Variants in MPPED1 observed in about 807,000 individuals in gnomAD.
MPPED1 encodes the protein metallophosphoesterase domain-containing protein 1.
MPPED1 carries 16 observed loss-of-function variants against 36.2 expected under a neutral mutation model. That is an observed-to-expected ratio of 0.44 (90% confidence interval 0.30 to 0.67). MPPED1 has a LOEUF of 0.67. Among genes scored for constraint, MPPED1 ranks in the 30% least tolerant of loss-of-function variants. The pLI is 0.10. For missense variants in MPPED1, 307 were observed against 453.4 expected, an observed-to-expected ratio of 0.68 and a Z score of 2.93; for synonymous variants, 199 against 191.3, an observed-to-expected ratio of 1.04 and a Z score of -0.33.
At chr22:43,451,453 A>T (rs2146854480) in intron 3 of MPPED1, among the ~76,000 whole-genome samples, 1 of 152,292 alleles carries the variant, frequency 6.6e-6, no homozygotes, top group Non-Finnish European at 1.5e-5. Flanking sequence ...TGTTTCTTTG[A>T]TCTCTCTTAA....
At position 43,474,768 on chromosome 22, in the gene MPPED1, G is replaced by A. The variant is rs530556930; in HGVS notation, c.439G>A (p.Ala147Thr). The A allele has an allele frequency of 1.2e-6, 2 of 1,614,048 alleles. No individual in the cohort carries two copies. The highest frequency in any genetic ancestry group is 1.7e-6 in the Non-Finnish European group (2 of 1,179,896). Reference sequence around the variant, plus strand: ...GCCCTACGAGTACAAGATCGTGATCGCAGGCAACCACGAGCTGACCTTTGA... The same window carrying A: ...GCCCTACGAGTACAAGATCGTGATCACAGGCAACCACGAGCTGACCTTTGA... ...SLPYEYKIVI[A>T]GNHELTFDQE... The change falls in exon 4 of 7, where the codon GCA (alanine) becomes ACA (threonine). Residue 147 changes from alanine (A) to threonine (T), a missense_variant. Physicochemically the swap from Ala to Thr is moderately conservative, Grantham distance 58. Around this residue, in one of 3 missense-constraint regions of MPPED1, gnomAD observed 169 missense variants for 212.3 expected, o/e 0.80. Transcript: ENST00000443721. The surrounding 1 kb of genome is among the most constrained non-coding windows in gnomAD (Gnocchi z 5.2).
chr22:43,491,857 AGGTGGT>A (rs1932113018), intron 4 of MPPED1, among the ~76,000 whole-genome samples: 1 of 113,080 alleles, frequency 8.8e-6, no homozygotes, highest in South Asian at 3.1e-4. Flanking sequence ...CTGGTGATGG[AGGTGGT>A]GGTGATGGTG....
chr22:43,497,977 T>C (rs990319184), intron 4 of MPPED1, among the ~76,000 whole-genome samples: 4 of 136,260 alleles, frequency 2.9e-5, no homozygotes, highest in Non-Finnish European at 6.2e-5. Context: ...TTTTTGGTTA[T>C]GTAAATAATA....
intron 3 of MPPED1, among the ~76,000 whole-genome samples, chr22:43,436,150 G>A (rs1178838295): frequency 1.3e-5 from 2 of 152,258 alleles, no homozygotes; most frequent in African/African-American, 4.8e-5. Context: ...GACCCCCTGG[G>A]AAAACTCGCT....
chr22:43,463,339 T>C (rs913293325), intron 3 of MPPED1, among the ~76,000 whole-genome samples: 113 of 149,830 alleles, frequency 7.5e-4, no homozygotes, highest in African/African-American at 2.5e-3. Context: ...TTCTTTTTTT[T>C]TTTTTTTTTT....
intron 3 of MPPED1, among the ~76,000 whole-genome samples, chr22:43,464,660 T>C (rs1165156123): frequency 6.6e-6 from 1 of 152,148 alleles, no homozygotes; most frequent in Non-Finnish European, 1.5e-5. Flanking sequence ...CTGCTTCTCA[T>C]ACAGGTTCTA....
At chr22:43,438,673 C>T (rs1930047221) in intron 3 of MPPED1, among the ~76,000 whole-genome samples, 1 of 152,096 alleles carries the variant, frequency 6.6e-6, no homozygotes, top group Non-Finnish European at 1.5e-5. Flanking sequence ...GTCTCTCTCT[C>T]TCTCTGTGTC....
At chr22:43,498,157 C>T (rs1029231665) in intron 4 of MPPED1, 78 bp from the exon 5 acceptor site, 18 of 1,171,916 alleles carry the variant, frequency 1.5e-5, no homozygotes, top group Middle Eastern at 3.9e-4. Context: ...CCCCCTGGCC[C>T]GTGGGGAGCT....
intron 3 of MPPED1, among the ~76,000 whole-genome samples, chr22:43,440,973 G>C (rs1930129744): frequency 2.0e-5 from 3 of 151,816 alleles, no homozygotes; most frequent in Admixed American, 2.0e-4. Context: ...CTTCTCCTAG[G>C]GTCCATCCTT....
At chr22:43,420,304 C>T (rs374883616) in intron 1 of MPPED1, among the ~76,000 whole-genome samples, 9 of 152,306 alleles carry the variant, frequency 5.9e-5, no homozygotes, top group African/African-American at 1.7e-4. Context: ...TTATCCAGGC[C>T]GCCCAGGCCT....
chr22:43,469,293 G>A (rs1308962925), intron 3 of MPPED1, among the ~76,000 whole-genome samples: 1 of 152,182 alleles, frequency 6.6e-6, no homozygotes, highest in African/African-American at 2.4e-5. Context: ...GCAGGCATTA[G>A]GCAGAAGAGT....
chr22:43,414,878 G>A (rs1408913825), intron 1 of MPPED1, among the ~76,000 whole-genome samples: 2 of 152,148 alleles, frequency 1.3e-5, no homozygotes, highest in African/African-American at 4.8e-5. Context: ...CTCCCCAGGT[G>A]CAGAGGCCTG....
At position 43,497,929 on chromosome 22, in the gene MPPED1, G is replaced by GTATATATATATATA. The variant is rs746068497; in HGVS notation, c.633-301_633-300insATATATATATATAT. On this transcript the variant is annotated intron_variant, in intron 4 of 6. Transcript: ENST00000443721. The stretch of plus-strand genomic sequence containing the variant: ...CTTAGGAAGAAGCTGATATATATAT[G>GTATATATATATATA]TATATGTATATATATATATGTATTT... Among the ~76,000 whole-genome samples the GTATATATATATATA allele has an allele frequency of 2.4e-3, 118 of 48,734 alleles. 5 individuals are homozygous for GTATATATATATATA. The highest frequency in any genetic ancestry group is 9.7e-3 in the South Asian group (22 of 2,278). The allele number at this position is 48,734 out of a possible 152,430, so 32.0% of individuals were successfully genotyped here.
intron 3 of MPPED1, among the ~76,000 whole-genome samples, chr22:43,435,780 C>T (rs2146835087): frequency 6.6e-6 from 1 of 152,286 alleles, no homozygotes; most frequent in East Asian, 1.9e-4. Context: ...TTGCTTGAAC[C>T]TGGGTGGTGG....
intron 4 of MPPED1, among the ~76,000 whole-genome samples, chr22:43,483,867 A>G (rs1931827333): frequency 6.6e-6 from 1 of 152,214 alleles, no homozygotes; most frequent in African/African-American, 2.4e-5. Context: ...ATCCTGGACC[A>G]CACAGGTCTG....
At chr22:43,431,530 C>T (rs1006697582) in intron 2 of MPPED1, among the ~76,000 whole-genome samples, 8 of 152,124 alleles carry the variant, frequency 5.3e-5, no homozygotes, top group Non-Finnish European at 8.8e-5. Flanking sequence ...GAAATGAAGT[C>T]CAGCCTGGTA....
intron 2 of MPPED1, among the ~76,000 whole-genome samples, chr22:43,432,101 C>T (rs1336082696): frequency 2.0e-5 from 3 of 152,036 alleles, no homozygotes; most frequent in Non-Finnish European, 4.4e-5. Context: ...CCTAGCAGCT[C>T]GGGGGTGGCA....
chr22:43,449,952 C>A (rs1930504352), intron 3 of MPPED1, among the ~76,000 whole-genome samples: 1 of 152,244 alleles, frequency 6.6e-6, no homozygotes. Flanking sequence ...GCAGTGGAGG[C>A]AGCTGGAGAG....
At chr22:43,487,387 G>A (rs1280787277) in intron 4 of MPPED1, among the ~76,000 whole-genome samples, 1 of 152,226 alleles carries the variant, frequency 6.6e-6, no homozygotes, top group African/African-American at 2.4e-5. Flanking sequence ...GGTTAAGGTT[G>A]ACATGGGTGG....
Sources: allele counts gnomAD v4.1 joint callset (sites outside exome capture counted in the v4.1 genomes callset), GRCh38; gene constraint gnomAD v4.1.1; regional missense constraint gnomAD v4.1.1; non-coding constraint Gnocchi (gnomAD v3.1); transcripts MANE v1.5; gene names NCBI Gene and HGNC (gene_info 2026-07-23, HGNC 2026-07-21).